The following ODAD3 variants were observed in gnomAD, a reference collection of about 807,000 sequenced individuals.
The protein encoded by ODAD3 is outer dynein arm docking complex subunit 3, also known as outer dynein arm-docking complex subunit 3.
ODAD3 carries 57 observed loss-of-function variants against 70.9 expected under a neutral mutation model. The ratio of observed to expected loss-of-function variants is 0.80; its 90% CI spans 0.65 to 1.00. The LOEUF is 1.00. ODAD3 is among the 50% of genes least tolerant of loss of function. The pLI, the probability that ODAD3 is intolerant of heterozygous loss-of-function variation, is 0.00. For synonymous variants in ODAD3, 327 were observed against 315.9 expected (o/e 1.04, Z -0.37); for missense variants, 797 against 763.9 (o/e 1.04, Z -0.51).
At chr19:11,421,056 G>C in intron 12 of ODAD3, 72 bp downstream of exon 12, 1 of 1,585,872 alleles carries the variant, frequency 6.3e-7, no homozygotes, top group Admixed American at 1.7e-5. Context: ...CCCTGAACAG[G>C]GTATCTGACA....
intron 7 of ODAD3, among the ~76,000 whole-genome samples, chr19:11,424,294 A>C (rs1048230204): frequency 1.3e-5 from 2 of 151,924 alleles, no homozygotes; most frequent in Non-Finnish European, 2.9e-5. Context: ...GTTTGAGCCC[A>C]GGGGTTCGGG....
intron 7 of ODAD3, among the ~76,000 whole-genome samples, 185 bp from the exon 8 acceptor site, chr19:11,424,214 G>A (rs903965696): frequency 1.3e-5 from 2 of 152,122 alleles, no homozygotes; most frequent in South Asian, 2.1e-4. Context: ...GGACAAGGTC[G>A]GGCGCGGGGG....
Position 11,420,793 on chromosome 19 carries a change from G to T in ODAD3, c.*42C>A. ...GGCCTGCGCTAGACCCGGAGGGATC[G>T]GGGGCTCCGAAGGGGGCCGCCTGGT... On this transcript the variant is annotated 3_prime_UTR_variant, in exon 13 of 13. Coordinates refer to ENST00000356392, the MANE Select transcript of ODAD3 (RefSeq NM_145045.5). 6.5e-7 allele frequency: 1 copy of T among 1,538,936 alleles called. No homozygotes were observed. The highest frequency in any genetic ancestry group is 9.0e-7 in the Non-Finnish European group (1 of 1,112,542).
In ODAD3 at chr19:11,426,091, G is replaced by C. The variant is rs2144770494; in HGVS notation, c.963+53C>G. 2.5e-6 allele frequency: 4 copies of C among 1,580,342 alleles called. No homozygotes were observed. In the South Asian group the frequency reaches 4.5e-5, roughly 18 times the overall value. On this transcript the variant is annotated intron_variant, in intron 7 of 12. Coordinates refer to ENST00000356392, the MANE Select transcript of ODAD3 (RefSeq NM_145045.5). Reference sequence around the variant, plus strand: ...ATGAGGGAGAGCCAGGGCATGGCTGGTTTGTGCTGGGCTGGGCTGGAGTCA... The same window carrying C: ...ATGAGGGAGAGCCAGGGCATGGCTGCTTTGTGCTGGGCTGGGCTGGAGTCA...
At position 11,420,737 on chromosome 19, in the gene ODAD3, G is replaced by T; in HGVS notation, c.*98C>A. ...CTGGCCGCCTCCGTTCCCGGTCCGG[G>T]CCGCGTTCAGCCCCTGAAGGGGCCC... On this transcript the variant is annotated 3_prime_UTR_variant, in exon 13 of 13. Coordinates refer to ENST00000356392, the MANE Select transcript of ODAD3 (RefSeq NM_145045.5). 9.4e-7 allele frequency: 1 copy of T among 1,062,822 alleles called. No homozygotes were observed. Among genetic ancestry groups the T allele is most frequent in the Non-Finnish European group, 1.4e-6 (1 of 708,008 alleles). The allele number at this position is 1,062,822 out of a possible 1,614,324, so 65.8% of individuals were successfully genotyped here. A position where few individuals can be genotyped will look rare whatever the true frequency, so the allele number is the denominator to read the frequency against.
In ODAD3 at chr19:11,425,275, G is replaced by A. The variant is rs111220077; in HGVS notation, c.963+869C>T. On this transcript the variant is annotated intron_variant, in intron 7 of 12. Coordinates refer to ENST00000356392, the MANE Select transcript of ODAD3 (RefSeq NM_145045.5). ...TGTATATGTACATATGTGTATATGTGTGTATATGTACATATGTGTATATAT... is the reference window on the plus strand; with the variant it reads ...TGTATATGTACATATGTGTATATGTATGTATATGTACATATGTGTATATAT... Among the ~76,000 whole-genome samples the A allele has an allele frequency of 2.6e-4, 36 of 136,038 alleles. 1 individual carries two copies. Among genetic ancestry groups the A allele is most frequent in the African/African-American group, 8.6e-4 (27 of 31,380 alleles). 89.2% of individuals were successfully genotyped at this position (136,038 alleles called of 152,430 possible).
At chr19:11,428,017 G>A (rs932246619) in intron 3 of ODAD3, among the ~76,000 whole-genome samples, 5 of 151,460 alleles carry the variant, frequency 3.3e-5, no homozygotes, top group African/African-American at 4.8e-5. Flanking sequence ...GAAGAATGGC[G>A]AGAACCCGGG....
chr19:11,426,096 T>TGCTGG lies in ODAD3; in HGVS notation c.963+43_963+47dup. ...GGAGAGCCAGGGCATGGCTGGTTTG[T>TGCTGG]GCTGGGCTGGGCTGGAGTCACAGGC... On this transcript the variant is annotated intron_variant, in intron 7 of 12. Coordinates refer to ENST00000356392, the MANE Select transcript of ODAD3 (RefSeq NM_145045.5). 9 of 1,586,912 alleles carry TGCTGG rather than the reference T, an allele frequency of 5.7e-6. No individual in the cohort carries two copies. In the South Asian group the frequency reaches 6.7e-5, roughly 12 times the overall value.
intron 11 of ODAD3, 62 bp downstream of exon 11, chr19:11,421,615 T>A (rs1396841011): frequency 6.5e-7 from 1 of 1,544,752 alleles, no homozygotes; most frequent in Non-Finnish European, 8.7e-7. Flanking sequence ...CCCGGTTCCC[T>A]GGTTTTCCGA....
At chr19:11,428,738 C>A (rs1023064387) in intron 3 of ODAD3, among the ~76,000 whole-genome samples, 1 of 151,476 alleles carries the variant, frequency 6.6e-6, no homozygotes, top group East Asian at 2.0e-4. Flanking sequence ...GTTGTAGAGT[C>A]AAAGTTTCAC....
rs1419674165 is a variant in ODAD3 at position 11,425,154 on chromosome 19, TATATAC to T, written c.963+984_963+989del. Among the ~76,000 whole-genome samples the T allele has an allele frequency of 1.6e-4, 22 of 134,526 alleles. 2 individuals carry two copies. The highest frequency in any genetic ancestry group is 1.3e-3 in the East Asian group (6 of 4,560). The allele number at this position is 134,526 out of a possible 152,430, so 88.3% of individuals were successfully genotyped here. On this transcript the variant is annotated intron_variant, in intron 7 of 12. Coordinates refer to ENST00000356392, the MANE Select transcript of ODAD3 (RefSeq NM_145045.5). ...GTATATGTGTATATGTACATATGTA[TATATAC>T]ATATGTGTATATGTACATATGTGTA...
At position 11,434,837 on chromosome 19, in the gene ODAD3, T is replaced by G; in HGVS notation, c.180A>C (p.Arg60Ser). ...PGRSKGGSFH[R>S]GAGKPSVHSQ... ...AGTGCACAGAGGGCTTCCCTGCACC[T>G]CTGTGGAAGGATCCTCCCTTGGAAC... The change falls in exon 1 of 13, where the codon AGA (arginine) becomes AGC (serine). Residue 60 changes from arginine (R) to serine (S), a missense_variant. Arg to Ser is a moderately radical substitution (Grantham distance 110). Coordinates refer to ENST00000356392, the MANE Select transcript of ODAD3 (RefSeq NM_145045.5). 6.2e-7 allele frequency: 1 copy of G among 1,614,166 alleles called. No homozygotes were observed. Among genetic ancestry groups the G allele is most frequent in the Non-Finnish European group, 8.5e-7 (1 of 1,180,022 alleles).
intron 7 of ODAD3, among the ~76,000 whole-genome samples, chr19:11,425,881 G>C (rs1313977694): frequency 6.6e-6 from 1 of 151,470 alleles, no homozygotes; most frequent in Admixed American, 6.6e-5. Flanking sequence ...GGAAAGGATG[G>C]GTAGGGGGGT....
At chr19:11,433,884 A>G (rs957786989) in intron 1 of ODAD3, among the ~76,000 whole-genome samples, 11 of 151,848 alleles carry the variant, frequency 7.2e-5, no homozygotes, top group African/African-American at 2.7e-4. Flanking sequence ...CTGTTATCCA[A>G]CCACTACACT....
chr19:11,421,589 G>C, intron 11 of ODAD3, 88 bp downstream of exon 11: 1 of 1,482,672 alleles, frequency 6.7e-7, no homozygotes, highest in South Asian at 1.3e-5. Context: ...CTGCAATCTG[G>C]TCTCCCGAAG....
At position 11,426,174 on chromosome 19, in the gene ODAD3, C is replaced by G; in HGVS notation, c.933G>C (p.Lys311Asn). ...ISECKKRAEE[K>N]KLENERMERK... ...GCTCCATGCGCTCGTTCTCCAGTTT[C>G]TTCTCCTCGGCGCGCTTCTTGCACT... The change falls in exon 7 of 13, where the codon AAG (lysine) becomes AAC (asparagine). Residue 311 changes from lysine to asparagine, a missense_variant. Transcript: ENST00000356392. 1 of 1,612,680 alleles carries G rather than the reference C, an allele frequency of 6.2e-7. No individual in the cohort carries two copies. Among genetic ancestry groups the G allele is most frequent in the Non-Finnish European group, 8.5e-7 (1 of 1,179,710 alleles).
At position 11,434,984 on chromosome 19, in the gene ODAD3, G is replaced by A. The variant is rs1050756685; in HGVS notation, c.33C>T (p.Ala11=). 6.2e-7 allele frequency: 1 copy of A among 1,612,986 alleles called. No individual in the cohort carries two copies. The highest frequency in any genetic ancestry group is 8.5e-7 in the Non-Finnish European group (1 of 1,180,018). ...CCTGGTCCTGAGGAGGCAGGGCGTT[G>A]GCGGAGGCCGCCCTGCACAGAGGAG... MTSPLCRAAS[A]NALPPQDQAS... is the part of the protein sequence containing the mutation. Residue 11 remains alanine, a synonymous_variant, in exon 1 of 13, where the codon GCC becomes GCT. Transcript: ENST00000356392.
At chr19:11,427,275 AT>A (rs1448907046) in intron 3 of ODAD3, among the ~76,000 whole-genome samples, 2 of 151,756 alleles carry the variant, frequency 1.3e-5, no homozygotes, top group East Asian at 3.9e-4. Flanking sequence ...TTCTAAAAAA[AT>A]ATTTTTAAAT....
chr19:11,424,028 G>T lies in ODAD3; in HGVS notation c.965C>A (p.Thr322Asn). Reference protein sequence around the residue: ...KLENERMERKTHREHLLLQSD... With the variant: ...KLENERMERKNHREHLLLQSD... ...CTGTAGCAGCAGGTGCTCGCGGTGG[G>T]TCTGCTCGTGGGTTGAGGTCAGAGC... The change falls in exon 8 of 13, where the codon ACC becomes AAC. Residue 322 changes from threonine (T) to asparagine (N), a missense_variant and splice_region_variant. Transcript: ENST00000356392. 1 of 1,607,434 alleles carries T rather than the reference G, an allele frequency of 6.2e-7. No homozygotes were observed. Among genetic ancestry groups the T allele is most frequent in the Non-Finnish European group, 8.5e-7 (1 of 1,179,284 alleles).
Sources: allele counts gnomAD v4.1 joint callset (sites outside exome capture counted in the v4.1 genomes callset), GRCh38; gene constraint gnomAD v4.1.1; transcripts MANE v1.5; gene names NCBI Gene and HGNC (gene_info 2026-07-23, HGNC 2026-07-21).